Variants in VAMP7 observed in about 807,000 individuals in gnomAD.
VAMP7 encodes vesicle-associated membrane protein 7.
Under a neutral mutation model 29.6 loss-of-function variants are expected in VAMP7, and 14 were observed. That is an observed-to-expected ratio of 0.47 (90% CI 0.31 to 0.74). VAMP7 has a LOEUF of 0.74. Ranked by LOEUF, VAMP7 falls within the 30% of genes least tolerant of loss-of-function variation. The pLI, the probability that VAMP7 is intolerant of heterozygous loss-of-function variation, is 0.05. For missense variants in VAMP7, 223 were observed against 262.4 expected (o/e 0.85, Z 1.04); for synonymous variants, 95 against 88.1 (o/e 1.08, Z -0.44).
intron 5 of VAMP7, among the ~76,000 whole-genome samples, chrX:155,918,252 G>A (rs2066341310): frequency 6.6e-6 from 1 of 150,924 alleles, no homozygotes. Context: ...GCTCCGTGGG[G>A]GTGGAATATA....
rs192473280 is a variant in VAMP7 at position 155,890,902 on chromosome X, C to T, written c.146+1290C>T. Among the ~76,000 whole-genome samples, 4 of 152,210 alleles carry T rather than the reference C, an allele frequency of 2.6e-5. No homozygotes were observed. In the East Asian group the frequency reaches 7.7e-4, roughly 29 times the overall value. On this transcript the variant is annotated intron_variant, in intron 2 of 7. Coordinates refer to ENST00000286448, the MANE Select transcript of VAMP7 (RefSeq NM_005638.6). Reference sequence around the variant, plus strand: ...GTACTCTAAGCTACTATGAGAGAGACCCCCAAGATACAGTATTAATTTTAA... The same window carrying T: ...GTACTCTAAGCTACTATGAGAGAGATCCCCAAGATACAGTATTAATTTTAA...
chrX:155,892,156 T>C (rs1311233078), intron 2 of VAMP7, among the ~76,000 whole-genome samples: 1 of 152,200 alleles, frequency 6.6e-6, no homozygotes, highest in African/African-American at 2.4e-5. Flanking sequence ...GCCATGCCTC[T>C]CTGCCTGTGT....
chrX:155,925,245 T>C (rs1337792932), intron 6 of VAMP7, among the ~76,000 whole-genome samples: 2 of 152,196 alleles, frequency 1.3e-5, no homozygotes, highest in Non-Finnish European at 2.9e-5. Context: ...CTTAATGGCA[T>C]CTAGAATGGT....
At chrX:155,928,112 C>T (rs1249019406) in intron 6 of VAMP7, among the ~76,000 whole-genome samples, 2 of 151,944 alleles carry the variant, frequency 1.3e-5, no homozygotes, top group South Asian at 2.1e-4. Flanking sequence ...TTCTTAGAGA[C>T]GGGTCTCCCT....
chrX:155,936,573 T>C (rs1294735858), intron 6 of VAMP7, among the ~76,000 whole-genome samples: 4 of 152,136 alleles, frequency 2.6e-5, no homozygotes, highest in African/African-American at 9.7e-5. Context: ...GTGGGAGTGA[T>C]CCGATTTTCC....
chrX:155,910,860 T>A (rs1009708663), intron 5 of VAMP7, among the ~76,000 whole-genome samples: 3 of 152,180 alleles, frequency 2.0e-5, no homozygotes, highest in African/African-American at 7.2e-5. Context: ...ATGAATAGTT[T>A]GCAACTATTT....
intron 5 of VAMP7, among the ~76,000 whole-genome samples, chrX:155,917,411 C>G (rs1371729051): frequency 6.6e-6 from 1 of 152,012 alleles, no homozygotes; most frequent in African/African-American, 2.4e-5. Context: ...AATTTTCAGC[C>G]TTTTTGCACT....
At chrX:155,883,393 C>T (rs757220489) in intron 1 of VAMP7, among the ~76,000 whole-genome samples, 3 of 152,292 alleles carry the variant, frequency 2.0e-5, no homozygotes, top group African/African-American at 7.2e-5. Flanking sequence ...TCCCAAGCAC[C>T]TTGTGTACCT....
Position 155,919,896 on chromosome X carries a change from G to C in VAMP7, c.501+16G>C. ...TGTGGATTCTGTAAGTATGGAATCT[G>C]ATAATATGGAGTCTGATGTAAAGTG... On this transcript the variant is annotated intron_variant, in intron 6 of 7. Coordinates refer to ENST00000286448, the MANE Select transcript of VAMP7 (RefSeq NM_005638.6). The C allele has an allele frequency of 6.3e-7, 1 of 1,592,238 alleles. No homozygotes were observed.
In VAMP7 at chrX:155,903,322, A is replaced by T. The variant is rs1403375929; in HGVS notation, c.433+2735A>T. Among the ~76,000 whole-genome samples the T allele has an allele frequency of 5.3e-5, 8 of 152,184 alleles. No homozygotes were observed. The East Asian group carries it at 1.5e-3, about 29-fold the overall frequency. On this transcript the variant is annotated intron_variant, in intron 5 of 7. Transcript: ENST00000286448. ...AAGGACTTCATGTCTAAAACACCAA[A>T]AGCAATGGCAACAAAAGCCAAAATT...
chrX:155,930,331 C>T (rs2066529864), intron 6 of VAMP7, among the ~76,000 whole-genome samples: 2 of 152,162 alleles, frequency 1.3e-5, no homozygotes, highest in South Asian at 4.2e-4. Context: ...ATCTAGATTA[C>T]AGTCTATTAG....
chrX:155,885,830 A>G (rs1403322389), intron 1 of VAMP7, among the ~76,000 whole-genome samples: 1 of 152,220 alleles, frequency 6.6e-6, no homozygotes, highest in Admixed American at 6.5e-5. Context: ...TACAGGTTTC[A>G]GAGGGAGCAT....
Position 155,942,223 on chromosome X carries a change from T to C in VAMP7, c.*272T>C, listed in dbSNP as rs966070206. The C allele has an allele frequency of 6.1e-6, 9 of 1,476,314 alleles. No individual in the cohort carries two copies. The African/African-American group carries it at 1.3e-4, about 21-fold the overall frequency. 91.5% of individuals were successfully genotyped at this position (1,476,314 alleles called of 1,614,324 possible). A position where few individuals can be genotyped will look rare whatever the true frequency, so the allele number is the denominator to read the frequency against. ...TTGGTTTGTTAACTAGTGTCATCTA[T>C]TTAGAGAAACATTTTTGTTTTTAAT... On this transcript the variant is annotated 3_prime_UTR_variant, in exon 8 of 8. Coordinates refer to ENST00000286448, the MANE Select transcript of VAMP7 (RefSeq NM_005638.6).
intron 1 of VAMP7, among the ~76,000 whole-genome samples, chrX:155,883,741 C>G (rs1292531914): frequency 1.5e-5 from 2 of 137,280 alleles, no homozygotes; most frequent in African/African-American, 2.8e-5. Context: ...GACGGAGTCT[C>G]ACTCCGTTGC....
intron 6 of VAMP7, among the ~76,000 whole-genome samples, chrX:155,924,769 CATTG>C (rs891013995): frequency 1.9e-4 from 29 of 152,272 alleles, no homozygotes; most frequent in South Asian, 4.1e-4. Context: ...AAGTTTACCA[CATTG>C]ATTGACTCTT....
intron 5 of VAMP7, among the ~76,000 whole-genome samples, chrX:155,914,254 A>G (rs2066279460): frequency 6.6e-6 from 1 of 152,036 alleles, no homozygotes. Context: ...GCTTAAGGAG[A>G]TTTTGGGCTG....
intron 6 of VAMP7, among the ~76,000 whole-genome samples, chrX:155,927,261 C>T (rs1368997776): frequency 6.6e-6 from 1 of 151,608 alleles, no homozygotes; most frequent in Non-Finnish European, 1.5e-5. Flanking sequence ...GGAGAAATAC[C>T]TAATGTAGAT....
chrX:155,931,469 G>C (rs755972918), intron 6 of VAMP7, among the ~76,000 whole-genome samples: 3 of 152,282 alleles, frequency 2.0e-5, no homozygotes, highest in African/African-American at 4.8e-5. Context: ...CAGTGATGAT[G>C]AGCATTTTTT....
intron 3 of VAMP7, among the ~76,000 whole-genome samples, chrX:155,896,748 T>G (rs1395952706): frequency 6.6e-6 from 1 of 152,178 alleles, no homozygotes; most frequent in Non-Finnish European, 1.5e-5. Context: ...GGCTGCATGC[T>G]CATTTCTAAA....
Sources: allele counts gnomAD v4.1 joint callset (sites outside exome capture counted in the v4.1 genomes callset), GRCh38; gene constraint gnomAD v4.1.1; transcripts MANE v1.5; gene names NCBI Gene and HGNC (gene_info 2026-07-23, HGNC 2026-07-21).